The following DSE variants were observed in gnomAD, a reference collection of about 807,000 sequenced individuals.
DSE encodes the protein dermatan-sulfate epimerase.
In DSE, 36 loss-of-function variants were observed where a neutral mutation model predicts 84.4. That is an observed-to-expected ratio of 0.43 (90% confidence interval 0.33 to 0.56). DSE has a LOEUF of 0.56. Ranked by LOEUF, DSE falls within the 20% of genes least tolerant of loss-of-function variation. The probability of loss-of-function intolerance (pLI) is 0.06; values close to 1 mark genes in which losing one functional copy is unlikely to be tolerated. For missense variants in DSE, 862 were observed against 1,169.6 expected (o/e 0.74, Z 3.84); for synonymous variants, 410 against 430.1 (o/e 0.95, Z 0.58).
chr6:116,407,595 G>C (rs770871836), intron 2 of DSE, among the ~76,000 whole-genome samples: 5 of 152,044 alleles, frequency 3.3e-5, no homozygotes, highest in Non-Finnish European at 5.9e-5. Flanking sequence ...ACTTCTTCTT[G>C]TTCTGTGGCT....
chr6:116,307,896 A>T (rs9488895), intron 2 of DSE, among the ~76,000 whole-genome samples: 4,012 of 152,330 alleles, frequency 0.026, 184 homozygotes, highest in African/African-American at 0.087. Flanking sequence ...TTACTGGAAA[A>T]GCGTGAACAG....
chr6:116,397,850 A>C (rs1007875993), intron 1 of DSE, among the ~76,000 whole-genome samples: 1 of 152,232 alleles, frequency 6.6e-6, no homozygotes, highest in Admixed American at 6.5e-5. Flanking sequence ...CGAGTTTCAT[A>C]TATAGGTAGA....
chr6:116,401,171 C>T (rs1781570522), intron 2 of DSE: 2 of 152,154 alleles, frequency 1.3e-5, no homozygotes, highest in Non-Finnish European at 2.9e-5. Context: ...GTACAGTTTT[C>T]TCATTATAAT....
At chr6:116,435,207 G>C (rs1459257430) in intron 5 of DSE, among the ~76,000 whole-genome samples, 1 of 152,178 alleles carries the variant, frequency 6.6e-6, no homozygotes, top group African/African-American at 2.4e-5. Flanking sequence ...TTAGAGTCCA[G>C]ATTCTAACAT....
At position 116,303,503 on chromosome 6, in the gene DSE, G is replaced by A. The variant is rs1286996034; in HGVS notation, c.-54+44536G>A. ...AGGCATCTACAACATCTGGCATGTTGTAGATGATCGGTATATATATTTCTT... is the reference window on the plus strand; with the variant it reads ...AGGCATCTACAACATCTGGCATGTTATAGATGATCGGTATATATATTTCTT... On this transcript the variant is annotated intron_variant, in intron 2 of 3. Coordinates refer to the DSE transcript ENST00000430252. Among the ~76,000 whole-genome samples, 5 of 152,272 alleles carry A rather than the reference G, an allele frequency of 3.3e-5. No homozygotes were observed. In the Middle Eastern group the frequency reaches 0.014, roughly 414 times the overall value.
At chr6:116,423,239 T>C (rs1286052033) in intron 2 of DSE, 1 of 152,206 alleles carries the variant, frequency 6.6e-6, no homozygotes, top group African/African-American at 2.4e-5. Flanking sequence ...AAAAAGCTAA[T>C]ATTTCTAGAA....
chr6:116,414,640 G>A (rs185718584), intron 2 of DSE, among the ~76,000 whole-genome samples: 99 of 152,228 alleles, frequency 6.5e-4, no homozygotes, highest in African/African-American at 2.1e-3. Flanking sequence ...TCGAACTCCC[G>A]ACCTCAGGTG....
intron 2 of DSE, among the ~76,000 whole-genome samples, chr6:116,414,939 T>A (rs914436790): frequency 5.3e-5 from 8 of 152,250 alleles, no homozygotes; most frequent in African/African-American, 1.2e-4. Context: ...AGACATTTTT[T>A]AAAAATAATT....
intron 2 of DSE, among the ~76,000 whole-genome samples, chr6:116,266,180 C>A (rs1348585008): frequency 6.6e-6 from 1 of 152,194 alleles, no homozygotes; most frequent in Admixed American, 6.5e-5. Context: ...ATGATATAAT[C>A]AATGGCATCT....
chr6:116,298,557 A>G (rs982275330), intron 2 of DSE, among the ~76,000 whole-genome samples: 1 of 152,226 alleles, frequency 6.6e-6, no homozygotes, highest in Non-Finnish European at 1.5e-5. Context: ...TAGAGGTTCC[A>G]GAAAGAAATG....
chr6:116,416,483 A>G (rs1782721383), intron 2 of DSE, among the ~76,000 whole-genome samples: 2 of 151,024 alleles, frequency 1.3e-5, no homozygotes, highest in Non-Finnish European at 1.5e-5. Context: ...TTAGATTTTT[A>G]TTCTTCATTA....
chr6:116,429,820 C>T lies in DSE; in HGVS notation c.671-1134C>T, dbSNP rs1217517392. On this transcript the variant is annotated intron_variant, in intron 3 of 5. Transcript: ENST00000644252. The stretch of plus-strand genomic sequence containing the variant: ...AAAAAAAATTAGCCGGGCGTGATGG[C>T]GGGCGCCTGCAGTCCCAGCTACTCG... Among the ~76,000 whole-genome samples, 2 of 66,054 alleles carry T rather than the reference C, an allele frequency of 3.0e-5. 1 individual carries two copies. The highest frequency in any genetic ancestry group is 6.1e-5 in the Non-Finnish European group (2 of 32,824). 43.3% of individuals were successfully genotyped at this position (66,054 alleles called of 152,430 possible). A position where few individuals can be genotyped will look rare whatever the true frequency, so the allele number is the denominator to read the frequency against.
chr6:116,320,723 A>G (rs564428086), intron 2 of DSE, among the ~76,000 whole-genome samples: 3 of 152,122 alleles, frequency 2.0e-5, no homozygotes, highest in South Asian at 4.1e-4. Context: ...TTCTCTGTGC[A>G]TGCACATCCC....
chr6:116,417,798 A>G (rs1562297739), intron 2 of DSE, among the ~76,000 whole-genome samples: 1 of 152,182 alleles, frequency 6.6e-6, no homozygotes, highest in Non-Finnish European at 1.5e-5. Flanking sequence ...TTTGTTCCCA[A>G]AGTAGATATT....
intron 2 of DSE, among the ~76,000 whole-genome samples, chr6:116,405,788 G>T (rs1181348542): frequency 6.6e-6 from 1 of 152,162 alleles, no homozygotes; most frequent in African/African-American, 2.4e-5. Flanking sequence ...CCCTGTGGTG[G>T]GAGGAAGCAG....
chr6:116,327,166 C>T (rs897956834), intron 2 of DSE, among the ~76,000 whole-genome samples: 1 of 152,162 alleles, frequency 6.6e-6, no homozygotes, highest in Admixed American at 6.5e-5. Context: ...GAATCTCCAG[C>T]TTATAGAGCT....
chr6:116,360,028 C>T (rs1778798651), intron 2 of DSE, among the ~76,000 whole-genome samples: 1 of 152,168 alleles, frequency 6.6e-6, no homozygotes, highest in African/African-American at 2.4e-5. Context: ...TACTATGCAG[C>T]TATAAAAAGG....
intron 2 of DSE, chr6:116,279,599 C>T (rs778647953): frequency 6.2e-7 from 1 of 1,602,200 alleles, no homozygotes; most frequent in Non-Finnish European, 8.5e-7. Context: ...GGAGTACCGC[C>T]ACGGCCCGCG....
rs199823906 is a variant in DSE at position 116,279,643 on chromosome 6, G to T, written c.-54+20676G>T. The T allele has an allele frequency of 3.6e-5, 58 of 1,604,732 alleles. No individual in the cohort carries two copies. In the African/African-American group the frequency reaches 7.1e-4, roughly 20 times the overall value. The stretch of plus-strand genomic sequence containing the variant: ...GGGTACGCCCCCCTCCTCTGAAGGC[G>T]GTGGAGGCGGGAGCGCGACGGTCTC... On this transcript the variant is annotated intron_variant, in intron 2 of 3. Coordinates refer to the DSE transcript ENST00000430252.
Sources: gnomAD v4.1 joint callset for allele counts (sites outside exome capture counted in the v4.1 genomes callset) on GRCh38, gnomAD v4.1.1 for gene constraint, MANE v1.5 for transcripts, NCBI Gene and HGNC (gene_info 2026-07-23, HGNC 2026-07-21) for gene names.